The following QPRT variants were observed in gnomAD, a reference collection of about 807,000 sequenced individuals.
QPRT encodes the protein quinolinate phosphoribosyltransferase.
QPRT carries 17 observed loss-of-function variants against 19.8 expected under a neutral mutation model. The observed-to-expected ratio is 0.86, with a 90% CI of 0.59 to 1.29. The LOEUF is 1.29. Among genes scored for constraint, QPRT ranks in the 50% most tolerant of loss-of-function variants. The pLI, the probability that QPRT is intolerant of heterozygous loss-of-function variation, is 0.00. For missense variants in QPRT, 336 were observed against 405.1 expected (o/e 0.83, Z 1.46); for synonymous variants, 178 against 191.0 (o/e 0.93, Z 0.56).
chr16:29,679,190 A>G lies in QPRT; in HGVS notation c.-8A>G. On this transcript the variant is annotated 5_prime_UTR_variant, in exon 1 of 4. Transcript: ENST00000395384. ...CCAACACACCAGCCCAGACAGCTGC[A>G]AGTCACCATGGACGCTGAAGGTAAA... is the stretch of plus-strand genomic sequence containing the variant. The G allele has an allele frequency of 1.9e-6, 3 of 1,613,290 alleles. No homozygotes were observed. Among genetic ancestry groups the G allele is most frequent in the South Asian group, 2.2e-5 (2 of 91,012 alleles).
chr16:29,685,992 T>C (rs747381237), intron 1 of QPRT, among the ~76,000 whole-genome samples: 2 of 151,938 alleles, frequency 1.3e-5, no homozygotes, highest in African/African-American at 2.4e-5. Context: ...TCCTGAGTAG[T>C]TGGGATTACA....
Position 29,697,624 on chromosome 16 carries a change from A to C in QPRT, c.*213A>C. 1 of 588,048 alleles carries C rather than the reference A, an allele frequency of 1.7e-6. No individual in the cohort carries two copies. The highest frequency in any genetic ancestry group is 3.0e-6 in the Non-Finnish European group (1 of 335,050). 36.4% of individuals were successfully genotyped at this position (588,048 alleles called of 1,614,324 possible). A position where few individuals can be genotyped will look rare whatever the true frequency, so the allele number is the denominator to read the frequency against. The stretch of plus-strand genomic sequence containing the variant: ...TCCTAATCTGTAAAATGGGTCTAAT[A>C]AAGGATCAACCACATGGGGTTCTGC... On this transcript the variant is annotated 3_prime_UTR_variant, in exon 4 of 4. Coordinates refer to ENST00000395384, the MANE Select transcript of QPRT (RefSeq NM_014298.6). The surrounding 1 kb of genome is among the most constrained non-coding windows in gnomAD (Gnocchi z 4.4).
chr16:29,697,436 C>G lies in QPRT; in HGVS notation c.*25C>G, dbSNP rs771217824. ...GTCCTAAACCGGAAGAGGATGACAC[C>G]GGCCATGGGTTAACGTGGCTCCTCA... On this transcript the variant is annotated 3_prime_UTR_variant, in exon 4 of 4. Transcript: ENST00000395384. This position sits in a 1 kb window ranked among gnomAD's most constrained non-coding sequence, Gnocchi z 4.4. 1 of 1,593,032 alleles carries G rather than the reference C, an allele frequency of 6.3e-7. No individual in the cohort carries two copies. The highest frequency in any genetic ancestry group is 1.7e-5 in the Admixed American group (1 of 59,636).
Position 29,697,308 on chromosome 16 carries a change from T to C in QPRT, c.791T>C (p.Ile264Thr). Residue 264 changes from isoleucine (I) to threonine (T), a missense_variant, in exon 4 of 4, where the codon ATA becomes ACA. Transcript: ENST00000395384. The surrounding 1 kb of genome is among the most constrained non-coding windows in gnomAD (Gnocchi z 4.4). ...CTCCCCCAGTTCTGCGGGCCGCACATAGACGTCATCTCCATGGGGATGCTG... is the reference window on the plus strand; with the variant it reads ...CTCCCCCAGTTCTGCGGGCCGCACACAGACGTCATCTCCATGGGGATGCTG... ...DNLPQFCGPHIDVISMGMLTQ... is the reference protein window; with the variant it reads ...DNLPQFCGPHTDVISMGMLTQ... The C allele has an allele frequency of 6.2e-7, 1 of 1,614,188 alleles. No individual in the cohort carries two copies. Among genetic ancestry groups the C allele is most frequent in the Non-Finnish European group, 8.5e-7 (1 of 1,180,016 alleles).
chr16:29,697,479 C>T lies in QPRT; in HGVS notation c.*68C>T. ...GCTCCTCAGGACCCTCTGGGTCACA[C>T]ATCTTTAGGGTCAGTGGCCAATGGG... On this transcript the variant is annotated 3_prime_UTR_variant, in exon 4 of 4. Transcript: ENST00000395384. The surrounding 1 kb of genome is among the most constrained non-coding windows in gnomAD (Gnocchi z 4.4). The T allele has an allele frequency of 6.7e-7, 1 of 1,488,830 alleles. No homozygotes were observed. The highest frequency in any genetic ancestry group is 9.1e-7 in the Non-Finnish European group (1 of 1,096,944). The allele number at this position is 1,488,830 out of a possible 1,614,324, so 92.2% of individuals were successfully genotyped here.
rs559300994 is a variant in QPRT at position 29,688,481 on chromosome 16, C to T, written c.14-6183C>T. On this transcript the variant is annotated intron_variant, in intron 1 of 3. Coordinates refer to ENST00000395384, the MANE Select transcript of QPRT (RefSeq NM_014298.6). ...GAGTGAGGTTTGGCTATAGACAGAA[C>T]CTCTGAGTGAGCCCATCAAAGTTAC... Among the ~76,000 whole-genome samples, 4 of 152,206 alleles carry T rather than the reference C, an allele frequency of 2.6e-5. No individual in the cohort carries two copies. The East Asian group carries it at 7.7e-4, about 29-fold the overall frequency.
chr16:29,686,282 AC>A (rs1567328831), intron 1 of QPRT, among the ~76,000 whole-genome samples: 3 of 151,222 alleles, frequency 2.0e-5, no homozygotes, highest in Non-Finnish European at 3.0e-5. Context: ...CACTGCCCCC[AC>A]CCCGACACTG....
rs767954739 is a variant in QPRT at position 29,697,055 on chromosome 16, C to T, written c.609C>T (p.Ser203=). Residue 203 remains serine (S), a synonymous_variant, in exon 3 of 4, where the codon AGC becomes AGT. Coordinates refer to ENST00000395384, the MANE Select transcript of QPRT (RefSeq NM_014298.6). This position sits in a 1 kb window ranked among gnomAD's most constrained non-coding sequence, Gnocchi z 4.4. The part of the protein sequence containing the change: ...DFTLKVEVEC[S]SLQEAVQAAE... ...CTCTGAAGGTGGAAGTGGAATGCAG[C>T]AGCCTGCAGGAGGCCGTGCAGGCAG... 6 of 1,611,654 alleles carry T rather than the reference C, an allele frequency of 3.7e-6. No individual in the cohort carries two copies. In the South Asian group the frequency reaches 5.5e-5, roughly 15 times the overall value.
chr16:29,694,607 G>A, intron 1 of QPRT, 57 bp from the exon 2 acceptor site: 1 of 1,482,054 alleles, frequency 6.7e-7, no homozygotes, highest in Non-Finnish European at 9.0e-7. Flanking sequence ...TTTTGACAGT[G>A]ACCCCTGACA....
At chr16:29,689,429 A>G (rs1395416472) in intron 1 of QPRT, among the ~76,000 whole-genome samples, 2 of 152,154 alleles carry the variant, frequency 1.3e-5, no homozygotes, top group African/African-American at 4.8e-5. Flanking sequence ...GTACATGTGC[A>G]GGTTTATTAT....
chr16:29,691,908 G>A (rs1043224865), intron 1 of QPRT, among the ~76,000 whole-genome samples: 1 of 152,198 alleles, frequency 6.6e-6, no homozygotes, highest in Non-Finnish European at 1.5e-5. Context: ...CAGCAGCTTG[G>A]CTTTGGGGAA....
chr16:29,694,410 C>T (rs567703672), intron 1 of QPRT, among the ~76,000 whole-genome samples: 3 of 152,210 alleles, frequency 2.0e-5, no homozygotes, highest in African/African-American at 7.2e-5. Context: ...TGAGCCACCG[C>T]GCCCGGCCCA....
intron 1 of QPRT, among the ~76,000 whole-genome samples, chr16:29,692,593 A>G (rs1967382170): frequency 2.0e-5 from 3 of 151,208 alleles, no homozygotes; most frequent in Non-Finnish European, 4.4e-5. Context: ...GTGGGTATAT[A>G]GTAGGTGTAT....
At chr16:29,683,941 C>T (rs962009001) in intron 1 of QPRT, among the ~76,000 whole-genome samples, 2 of 152,120 alleles carry the variant, frequency 1.3e-5, no homozygotes, top group South Asian at 2.1e-4. Flanking sequence ...GGCTTCTGCC[C>T]CCGACACATG....
chr16:29,697,388 G>A lies in QPRT; in HGVS notation c.871G>A (p.Ala291Thr). 6.2e-7 allele frequency: 1 copy of A among 1,613,062 alleles called. No homozygotes were observed. Among genetic ancestry groups the A allele is most frequent in the Non-Finnish European group, 8.5e-7 (1 of 1,179,878 alleles). Residue 291 changes from alanine (A) to threonine (T), a missense_variant, in exon 4 of 4, where the codon GCT (alanine) becomes ACT (threonine). Ala to Thr is a moderately conservative substitution (Grantham distance 58). Coordinates refer to ENST00000395384, the MANE Select transcript of QPRT (RefSeq NM_014298.6). The surrounding 1 kb of genome is among the most constrained non-coding windows in gnomAD (Gnocchi z 4.4). ...FSLKLFAKEV[A>T]PVPKIH ...CCTCAAGCTGTTTGCCAAAGAGGTG[G>A]CTCCAGTGCCCAAAATCCACTAGTC...
chr16:29,694,778 A>C lies in QPRT; in HGVS notation c.128A>C (p.Gln43Pro). The change falls in exon 2 of 4, where the codon CAG becomes CCG. Residue 43 changes from glutamine (Q) to proline (P), a missense_variant. Transcript: ENST00000395384. ...AALVSGAGPSQAALWAKSPGV... is the reference protein window; with the variant it reads ...AALVSGAGPSPAALWAKSPGV... Reference sequence around the variant, plus strand: ...TTGGTCAGCGGGGCAGGCCCCTCGCAGGCGGCGCTGTGGGCCAAATCCCCT... The same window carrying C: ...TTGGTCAGCGGGGCAGGCCCCTCGCCGGCGGCGCTGTGGGCCAAATCCCCT... The C allele has an allele frequency of 6.2e-7, 1 of 1,613,840 alleles. No individual in the cohort carries two copies. The highest frequency in any genetic ancestry group is 8.5e-7 in the Non-Finnish European group (1 of 1,179,848).
At chr16:29,684,194 AC>A (rs1195140663) in intron 1 of QPRT, among the ~76,000 whole-genome samples, 1 of 152,172 alleles carries the variant, frequency 6.6e-6, no homozygotes, top group Non-Finnish European at 1.5e-5. Context: ...ATCACAGGTC[AC>A]TGCAGCCTCC....
In QPRT at chr16:29,694,983, C is replaced by T; in HGVS notation, c.333C>T (p.Cys111=). The part of the protein sequence containing the change: ...ERVALNTLAR[C]SGIASAAAAA... ...TGGCCCTCAACACGCTGGCCCGCTG[C>T]AGTGGCATTGCCAGTGCTGCCGCCG... The change falls in exon 2 of 4, where the codon TGC becomes TGT. Residue 111 remains cysteine (C), a synonymous_variant. Coordinates refer to ENST00000395384, the MANE Select transcript of QPRT (RefSeq NM_014298.6). The T allele has an allele frequency of 6.2e-7, 1 of 1,607,100 alleles. No homozygotes were observed. The highest frequency in any genetic ancestry group is 8.5e-7 in the Non-Finnish European group (1 of 1,179,130).
chr16:29,688,036 T>C (rs1567329465), intron 1 of QPRT, among the ~76,000 whole-genome samples: 1 of 151,964 alleles, frequency 6.6e-6, no homozygotes, highest in Non-Finnish European at 1.5e-5. Flanking sequence ...AGGAGAGTGA[T>C]CAAAGAAAAC....
Sources: allele counts gnomAD v4.1 joint callset (sites outside exome capture counted in the v4.1 genomes callset), GRCh38; gene constraint gnomAD v4.1.1; non-coding constraint Gnocchi (gnomAD v3.1); transcripts MANE v1.5; gene names NCBI Gene and HGNC (gene_info 2026-07-23, HGNC 2026-07-21).